The following ADGRL3 variants were observed in gnomAD, a reference collection of about 807,000 sequenced individuals.
ADGRL3 encodes adhesion G protein-coupled receptor L3.
Under a neutral mutation model 153.5 loss-of-function variants are expected in ADGRL3, and 62 were observed. The observed-to-expected ratio is 0.40, with a 90% CI of 0.33 to 0.50. The LOEUF is 0.50. Among genes scored for constraint, ADGRL3 ranks in the 20% least tolerant of loss-of-function variants. ADGRL3 has a pLI of 0.47. For synonymous variants in ADGRL3, 710 were observed against 672.5 expected (o/e 1.06, Z -0.86); for missense variants, 1,641 against 1,859.4 (o/e 0.88, Z 2.16).
At chr4:61,610,490 T>C (rs901285880) in intron 5 of ADGRL3, among the ~76,000 whole-genome samples, 2 of 152,204 alleles carry the variant, frequency 1.3e-5, no homozygotes, top group Non-Finnish European at 2.9e-5. Context: ...CAATCTTTCT[T>C]GGTGAAATAC....
At chr4:61,978,263 T>G (rs1369826737) in intron 17 of ADGRL3, among the ~76,000 whole-genome samples, 1 of 152,076 alleles carries the variant, frequency 6.6e-6, no homozygotes, top group Non-Finnish European at 1.5e-5. Context: ...TAAAAATCAA[T>G]GTCATTGATT....
chr4:61,474,625 GA>G (rs2098020215), intron 2 of ADGRL3, among the ~76,000 whole-genome samples: 1 of 152,014 alleles, frequency 6.6e-6, no homozygotes, highest in Non-Finnish European at 1.5e-5. Flanking sequence ...TAAATAACAA[GA>G]AAGACAAATA....
At chr4:61,617,490 A>G (rs1437502356) in intron 5 of ADGRL3, among the ~76,000 whole-genome samples, 2 of 152,026 alleles carry the variant, frequency 1.3e-5, no homozygotes, top group Non-Finnish European at 2.9e-5. Flanking sequence ...GATTCTTCTC[A>G]TTATTTTCCG....
chr4:61,294,856 T>C (rs2047996), intron 1 of ADGRL3, among the ~76,000 whole-genome samples: 123,934 of 151,396 alleles, frequency 0.82, 50,914 homozygotes, highest in Admixed American at 0.87. Context: ...TCAATGTAAA[T>C]TCCTTTTGTG....
chr4:61,605,079 G>A (rs150516676), intron 5 of ADGRL3, among the ~76,000 whole-genome samples: 2,705 of 98,450 alleles, frequency 0.027, 99 homozygotes, highest in East Asian at 0.25. Flanking sequence ...GACAGAGTGA[G>A]ACTCTGTCTC....
chr4:62,019,980 C>T (rs370849132), intron 21 of ADGRL3, among the ~76,000 whole-genome samples: 11 of 152,074 alleles, frequency 7.2e-5, no homozygotes, highest in African/African-American at 2.7e-4. Context: ...ATTAAATAAA[C>T]CTTGCCTGCT....
intron 5 of ADGRL3, among the ~76,000 whole-genome samples, chr4:61,642,144 T>C (rs1309205832): frequency 6.7e-6 from 1 of 149,114 alleles, no homozygotes; most frequent in Non-Finnish European, 1.5e-5. Context: ...GTTTGTTTTT[T>C]TCTTGTAAAT....
At chr4:61,744,451 T>G (rs1473880396) in intron 8 of ADGRL3, among the ~76,000 whole-genome samples, 1 of 152,052 alleles carries the variant, frequency 6.6e-6, no homozygotes, top group East Asian at 1.9e-4. Flanking sequence ...GCAGCCTAAC[T>G]GGGAGGCACC....
At chr4:61,928,419 G>T (rs1219730773) in intron 13 of ADGRL3, among the ~76,000 whole-genome samples, 1 of 152,074 alleles carries the variant, frequency 6.6e-6, no homozygotes, top group Non-Finnish European at 1.5e-5. Context: ...CTCAGCAAGA[G>T]TCTATTACTT....
intron 5 of ADGRL3, among the ~76,000 whole-genome samples, chr4:61,613,574 T>C (rs1174462011): frequency 6.6e-6 from 1 of 152,100 alleles, no homozygotes; most frequent in African/African-American, 2.4e-5. Context: ...TGAAACCCTG[T>C]CTCTACTAAA....
intron 4 of ADGRL3, among the ~76,000 whole-genome samples, chr4:61,528,400 T>G (rs1347156201): frequency 6.6e-6 from 1 of 152,116 alleles, no homozygotes; most frequent in Non-Finnish European, 1.5e-5. Context: ...TTTTTCTCCT[T>G]GGACTCTGTT....
chr4:61,898,160 C>T (rs895937106), intron 11 of ADGRL3, among the ~76,000 whole-genome samples: 1 of 152,098 alleles, frequency 6.6e-6, no homozygotes, highest in Non-Finnish European at 1.5e-5. Context: ...TAGTGACTAT[C>T]ATGTAAGTCC....
Position 61,711,491 on chromosome 4 carries a change from T to TATATATATAC in ADGRL3, c.584-19130_584-19129insTATATATACA, listed in dbSNP as rs757078842. Among the ~76,000 whole-genome samples the TATATATATAC allele has an allele frequency of 6.5e-4, 58 of 89,192 alleles. 1 individual carries two copies. Among genetic ancestry groups the TATATATATAC allele is most frequent in the Non-Finnish European group, 1.0e-3 (43 of 42,470 alleles). 58.5% of individuals were successfully genotyped at this position (89,192 alleles called of 152,430 possible). On this transcript the variant is annotated intron_variant, in intron 6 of 26. Coordinates refer to ENST00000683033, the MANE Select transcript of ADGRL3 (RefSeq NM_001387552.1). Reference sequence around the variant, plus strand: ...ATATATATATATATATATATATATATACACACACACACACACACACACAAT... The same window carrying TATATATATAC: ...ATATATATATATATATATATATATATATATATATACACACACACACACACACACACACAAT...
At chr4:61,578,119 G>A (rs1196681084) in intron 4 of ADGRL3, among the ~76,000 whole-genome samples, 1 of 151,958 alleles carries the variant, frequency 6.6e-6, no homozygotes, top group Non-Finnish European at 1.5e-5. Context: ...CTGATTATTG[G>A]TGTGATATTC....
chr4:61,687,911 A>G (rs1472762850), intron 6 of ADGRL3, among the ~76,000 whole-genome samples: 1 of 152,094 alleles, frequency 6.6e-6, no homozygotes. Flanking sequence ...AATTTTACCA[A>G]TATTTCATGA....
chr4:61,760,973 G>A (rs867929346), intron 8 of ADGRL3, among the ~76,000 whole-genome samples: 4 of 152,220 alleles, frequency 2.6e-5, no homozygotes, highest in Non-Finnish European at 5.9e-5. Context: ...AGTGAACCAG[G>A]AGTGCTAATT....
intron 8 of ADGRL3, among the ~76,000 whole-genome samples, chr4:61,812,006 T>A (rs2097631671): frequency 6.6e-6 from 1 of 152,150 alleles, no homozygotes; most frequent in Non-Finnish European, 1.5e-5. Flanking sequence ...GATATTGTAG[T>A]TACGATATTT....
chr4:61,727,168 T>C (rs1178186417), intron 6 of ADGRL3, among the ~76,000 whole-genome samples: 2 of 152,162 alleles, frequency 1.3e-5, no homozygotes, highest in Non-Finnish European at 2.9e-5. Context: ...TTATATGTAT[T>C]TTATAAACTC....
chr4:61,535,972 C>A (rs908084861), intron 4 of ADGRL3, among the ~76,000 whole-genome samples: 1 of 151,796 alleles, frequency 6.6e-6, no homozygotes, highest in Non-Finnish European at 1.5e-5. Context: ...TTTCTAGTTC[C>A]TTTGGGTGTG....
Sources: gnomAD v4.1 joint callset for allele counts (sites outside exome capture counted in the v4.1 genomes callset) on GRCh38, gnomAD v4.1.1 for gene constraint, MANE v1.5 for transcripts, NCBI Gene and HGNC (gene_info 2026-07-23, HGNC 2026-07-21) for gene names.